DPY19L3: variants seen among roughly 807,000 people sequenced by gnomAD.
The protein encoded by DPY19L3 is protein C-mannosyl-transferase DPY19L3.
DPY19L3 carries 51 observed loss-of-function variants against 92.3 expected under a neutral mutation model. That is an observed-to-expected ratio of 0.55 (90% confidence interval 0.44 to 0.70). The LOEUF (loss-of-function observed/expected upper bound fraction) is 0.70, where lower values mean the gene tolerates loss of function less well. DPY19L3 is among the 30% of genes least tolerant of loss of function. The probability of loss-of-function intolerance (pLI) is 0.00; values close to 1 mark genes in which losing one functional copy is unlikely to be tolerated. For synonymous variants in DPY19L3, 309 were observed against 315.2 expected (o/e 0.98, Z 0.21); for missense variants, 706 against 855.9 (o/e 0.82, Z 2.18).
chr19:32,439,288 G>A, intron 7 of DPY19L3, 53 bp downstream of exon 7: 2 of 1,562,662 alleles, frequency 1.3e-6, no homozygotes, highest in Non-Finnish European at 1.7e-6. Flanking sequence ...TATATATGAA[G>A]CTTCAAAAAA....
At chr19:32,476,447 C>T (rs1970511693) in intron 16 of DPY19L3, among the ~76,000 whole-genome samples, 1 of 147,962 alleles carries the variant, frequency 6.8e-6, no homozygotes, top group Non-Finnish European at 1.5e-5. Context: ...ATTCTGCACT[C>T]AGGAGAATCC....
chr19:32,478,984 CT>C (rs1269159322), intron 17 of DPY19L3, among the ~76,000 whole-genome samples: 1 of 151,974 alleles, frequency 6.6e-6, no homozygotes, highest in African/African-American at 2.4e-5. Context: ...CAGGTTGTAT[CT>C]GTTTACATTC....
chr19:32,453,447 A>G (rs188020683), intron 9 of DPY19L3, among the ~76,000 whole-genome samples, 171 bp downstream of exon 9: 2 of 152,318 alleles, frequency 1.3e-5, no homozygotes, highest in Admixed American at 1.3e-4. Context: ...TTTCTGTTTC[A>G]AGCTTTCTGG....
At chr19:32,479,678 T>C (rs999322112) in intron 17 of DPY19L3, 2 of 380,298 alleles carry the variant, frequency 5.3e-6, no homozygotes, top group Admixed American at 6.4e-5. Context: ...ATTCAACACC[T>C]CACACAGCCT....
chr19:32,447,498 C>A (rs1351864293), intron 8 of DPY19L3, among the ~76,000 whole-genome samples: 2 of 152,056 alleles, frequency 1.3e-5, no homozygotes, highest in Non-Finnish European at 2.9e-5. Flanking sequence ...AGGTGGATCA[C>A]CTGAGGTCAG....
rs1307572605 is a variant in DPY19L3 at position 32,439,880 on chromosome 19, G to A, written c.825G>A (p.Leu275=). The A allele has an allele frequency of 1.2e-6, 2 of 1,613,590 alleles. No homozygotes were observed. The highest frequency in any genetic ancestry group is 2.2e-5 in the East Asian group (1 of 44,842). ...TGCAAGCATTAGTGCTGTTCACACT[G>A]GACTCCCTGGACATGCTGCCAGCAG... ...MLMQALVLFT[L]DSLDMLPAVK... The change falls in exon 8 of 19, where the codon CTG becomes CTA. Residue 275 remains leucine (L), a synonymous_variant. Coordinates refer to ENST00000392250, the MANE Select transcript of DPY19L3 (RefSeq NM_001172774.2).
At chr19:32,448,721 A>T (rs1849707929) in intron 8 of DPY19L3, among the ~76,000 whole-genome samples, 1 of 152,154 alleles carries the variant, frequency 6.6e-6, no homozygotes, top group Non-Finnish European at 1.5e-5. Context: ...CTGTCTCGGG[A>T]GTAGCAGAGG....
rs1225864824 is a variant in DPY19L3, at chr19:32,423,908, G to C, written c.238-8808G>C. Among the ~76,000 whole-genome samples, 7 of 151,894 alleles carry C rather than the reference G, an allele frequency of 4.6e-5. No homozygotes were observed. In the East Asian group the frequency reaches 1.4e-3, roughly 30 times the overall value. ...TGTGCCTATAGTCCCACCTACTCGG[G>C]AGACTGAGGTAGGAGGATCACTTGA... On this transcript the variant is annotated intron_variant, in intron 3 of 18. Transcript: ENST00000392250.
At chr19:32,473,361 T>G (rs1970411157) in intron 16 of DPY19L3, among the ~76,000 whole-genome samples, 1 of 152,250 alleles carries the variant, frequency 6.6e-6, no homozygotes. Flanking sequence ...GCTTTGTTTT[T>G]CTATAATAGA....
At position 32,460,294 on chromosome 19, in the gene DPY19L3, C is replaced by CG. The variant is rs1333821190; in HGVS notation, c.1322+1785_1322+1786insG. ...GGCACGATGGTGCAAACCTGTAGTG[C>CG]TAACAAGTCGGGAGGCTAAGGCGGG... On this transcript the variant is annotated intron_variant, in intron 12 of 18. Transcript: ENST00000392250. Among the ~76,000 whole-genome samples, 7 of 152,206 alleles carry CG rather than the reference C, an allele frequency of 4.6e-5. No individual in the cohort carries two copies. In the East Asian group the frequency reaches 1.4e-3, roughly 29 times the overall value.
intron 15 of DPY19L3, among the ~76,000 whole-genome samples, chr19:32,465,172 AT>A (rs1568355808): frequency 1.3e-5 from 2 of 152,230 alleles, no homozygotes; most frequent in African/African-American, 4.8e-5. Flanking sequence ...TAAGCTCCAT[AT>A]TTTATTAGAT....
At chr19:32,454,303 G>A (rs1316545416) in intron 9 of DPY19L3, among the ~76,000 whole-genome samples, 1 of 152,126 alleles carries the variant, frequency 6.6e-6, no homozygotes, top group African/African-American at 2.4e-5. Flanking sequence ...GGCCAGGCGT[G>A]GTGGCTCACA....
intron 3 of DPY19L3, 125 bp downstream of exon 3, chr19:32,411,497 T>A (rs774606423): frequency 1.1e-6 from 1 of 871,218 alleles, no homozygotes; most frequent in Non-Finnish European, 1.7e-6. Flanking sequence ...AAGGTTGGAC[T>A]ATAGAGTGAA....
At chr19:32,433,426 T>A (rs1036189933) in intron 4 of DPY19L3, among the ~76,000 whole-genome samples, 2 of 152,226 alleles carry the variant, frequency 1.3e-5, no homozygotes, top group African/African-American at 4.8e-5. Flanking sequence ...ATTTTTTTGC[T>A]GTTGTTTTTG....
intron 16 of DPY19L3, among the ~76,000 whole-genome samples, chr19:32,476,920 T>C (rs1970528693): frequency 6.6e-6 from 1 of 152,188 alleles, no homozygotes; most frequent in Non-Finnish European, 1.5e-5. Flanking sequence ...TTATTTATGG[T>C]GGTATCTGTG....
At chr19:32,408,147 C>G in intron 1 of DPY19L3, 70 bp from the exon 2 acceptor site, 1 of 757,788 alleles carries the variant, frequency 1.3e-6, no homozygotes, top group Non-Finnish European at 2.2e-6. Context: ...AAAGGCATTT[C>G]AGCATGGATG....
intron 10 of DPY19L3, among the ~76,000 whole-genome samples, chr19:32,456,325 T>G (rs1364373374): frequency 3.3e-5 from 5 of 152,140 alleles, no homozygotes; most frequent in African/African-American, 1.2e-4. Flanking sequence ...TCCACCTGCC[T>G]TGGCCTCCCA....
intron 12 of DPY19L3, among the ~76,000 whole-genome samples, chr19:32,462,309 G>T (rs1057514120): frequency 6.6e-6 from 1 of 152,172 alleles, no homozygotes; most frequent in African/African-American, 2.4e-5. Flanking sequence ...ATGATGATCT[G>T]AGTCTCAGGT....
intron 8 of DPY19L3, among the ~76,000 whole-genome samples, chr19:32,447,891 G>A (rs998097737): frequency 9.2e-5 from 14 of 151,946 alleles, no homozygotes; most frequent in African/African-American, 2.4e-4. Flanking sequence ...GTAAAATTGC[G>A]AACCTTCTCC....
Sources: allele counts gnomAD v4.1 joint callset (sites outside exome capture counted in the v4.1 genomes callset), GRCh38; gene constraint gnomAD v4.1.1; transcripts MANE v1.5; gene names NCBI Gene and HGNC (gene_info 2026-07-23, HGNC 2026-07-21).